Variants in SYT16 observed in about 807,000 individuals in gnomAD.
SYT16 encodes synaptotagmin-16.
SYT16 carries 42 observed loss-of-function variants against 61.4 expected under a neutral mutation model. The observed-to-expected ratio is 0.68, with a 90% CI of 0.53 to 0.89. SYT16 has a LOEUF of 0.89. SYT16 is among the 40% of genes least tolerant of loss of function. The pLI is 0.00. For missense variants in SYT16, 804 were observed against 807.3 expected, an observed-to-expected ratio of 1.00 and a Z score of 0.05; for synonymous variants, 314 against 302.3, an observed-to-expected ratio of 1.04 and a Z score of -0.40.
chr14:62,017,083 A>G (rs1297636105), intron 3 of SYT16, among the ~76,000 whole-genome samples: 1 of 152,228 alleles, frequency 6.6e-6, no homozygotes, highest in Non-Finnish European at 1.5e-5. Flanking sequence ...TCTTAGTGGC[A>G]TGCTCTTTTG....
intron 3 of SYT16, among the ~76,000 whole-genome samples, chr14:62,022,343 A>G (rs958248091): frequency 2.8e-4 from 43 of 152,218 alleles, no homozygotes; most frequent in Non-Finnish European, 7.4e-5. Context: ...TAAATATATC[A>G]TTGCATTGTC....
rs766518887 is a variant in SYT16, at chr14:62,081,090, A to G, written c.1250A>G (p.Lys417Arg). The change falls in exon 6 of 8, where the codon AAG (lysine) becomes AGG (arginine). Residue 417 changes from lysine to arginine, a missense_variant. Lys to Arg is a conservative substitution (Grantham distance 26). Coordinates refer to ENST00000683842, the MANE Select transcript of SYT16 (RefSeq NM_001367656.1). ...QRGPNPVFRE[K>R]VTFAKLEPRD... ...GGGCCCAACCCCGTCTTCAGGGAGAAGGTCACCTTTGCCAAGCTGGAGCCC... is the reference window on the plus strand; with the variant it reads ...GGGCCCAACCCCGTCTTCAGGGAGAGGGTCACCTTTGCCAAGCTGGAGCCC... 1 of 1,613,886 alleles carries G rather than the reference A, an allele frequency of 6.2e-7. No homozygotes were observed. The highest frequency in any genetic ancestry group is 8.5e-7 in the Non-Finnish European group (1 of 1,179,846).
rs138596769 is a variant in SYT16 at position 61,834,013 on chromosome 14, C to CT, written c.-325+21205dup. Among the ~76,000 whole-genome samples the CT allele has an allele frequency of 2.1e-3, 299 of 142,098 alleles. 1 individual carries two copies. Among genetic ancestry groups the CT allele is most frequent in the African/African-American group, 7.6e-3 (288 of 38,016 alleles). 93.2% of individuals were successfully genotyped at this position (142,098 alleles called of 152,430 possible). A position where few individuals can be genotyped will look rare whatever the true frequency, so the allele number is the denominator to read the frequency against. On this transcript the variant is annotated intron_variant, in intron 1 of 7. Coordinates refer to ENST00000683842, the MANE Select transcript of SYT16 (RefSeq NM_001367656.1). Reference sequence around the variant, plus strand: ...TTTAAATTTTGGAATCTGGGAGATACTTGTTCTTTGGAAGTAATTTTGCTT... The same window carrying CT: ...TTTAAATTTTGGAATCTGGGAGATACTTTGTTCTTTGGAAGTAATTTTGCTT...
intron 3 of SYT16, among the ~76,000 whole-genome samples, chr14:62,010,574 G>C (rs1174923859): frequency 6.6e-6 from 1 of 151,930 alleles, no homozygotes; most frequent in African/African-American, 2.4e-5. Flanking sequence ...ACCATCCAGT[G>C]GTTACTCTGG....
At chr14:61,816,810 G>A (rs1268523512) in intron 1 of SYT16, among the ~76,000 whole-genome samples, 23 of 151,922 alleles carry the variant, frequency 1.5e-4, no homozygotes, top group Admixed American at 1.5e-3. Flanking sequence ...AGGAGATGAA[G>A]ACCATCCTGG....
At chr14:61,941,837 TGAAAG>T (rs1479138587) in intron 1 of SYT16, among the ~76,000 whole-genome samples, 1 of 152,232 alleles carries the variant, frequency 6.6e-6, no homozygotes, top group African/African-American at 2.4e-5. Flanking sequence ...TGTGAACAAT[TGAAAG>T]GATTTGTCTT....
At chr14:62,018,313 T>C (rs1353289754) in intron 3 of SYT16, among the ~76,000 whole-genome samples, 2 of 135,058 alleles carry the variant, frequency 1.5e-5, no homozygotes, top group Non-Finnish European at 3.2e-5. Flanking sequence ...TTTTTTTTTT[T>C]TTTTTTTTTT....
intron 1 of SYT16, among the ~76,000 whole-genome samples, chr14:61,814,280 G>T (rs537503478): frequency 1.3e-5 from 2 of 152,164 alleles, no homozygotes; most frequent in South Asian, 4.1e-4. Context: ...ATTCGTGTGT[G>T]TGTGTGTTTA....
At chr14:61,850,889 A>AT (rs1425606846) in intron 1 of SYT16, among the ~76,000 whole-genome samples, 1 of 152,030 alleles carries the variant, frequency 6.6e-6, no homozygotes, top group East Asian at 1.9e-4. Flanking sequence ...GATTATTATT[A>AT]TTTTTTCTTA....
chr14:61,939,703 T>C (rs1056153825), intron 1 of SYT16, among the ~76,000 whole-genome samples: 2 of 152,144 alleles, frequency 1.3e-5, no homozygotes, highest in Non-Finnish European at 2.9e-5. Flanking sequence ...CCTTCTGAGG[T>C]ACTAGGGGTT....
chr14:61,886,545 C>T (rs756840050), intron 1 of SYT16, among the ~76,000 whole-genome samples: 3 of 152,230 alleles, frequency 2.0e-5, no homozygotes, highest in Non-Finnish European at 2.9e-5. Context: ...CTCATCTGCT[C>T]ATCTGTAAGA....
chr14:61,968,388 C>G (rs2051405653), intron 1 of SYT16, among the ~76,000 whole-genome samples: 1 of 152,048 alleles, frequency 6.6e-6, no homozygotes, highest in African/African-American at 2.4e-5. Context: ...TGGGAGACAC[C>G]TGGTTCATTT....
At chr14:61,977,220 G>A (rs2051848824) in intron 2 of SYT16, among the ~76,000 whole-genome samples, 1 of 152,102 alleles carries the variant, frequency 6.6e-6, no homozygotes, top group Admixed American at 6.6e-5. Flanking sequence ...CCTCCAAACT[G>A]TTCCAATCTT....
At chr14:61,849,139 A>G (rs1049730374) in intron 1 of SYT16, among the ~76,000 whole-genome samples, 4 of 152,076 alleles carry the variant, frequency 2.6e-5, no homozygotes, top group Admixed American at 2.0e-4. Flanking sequence ...GGGCCTCCGG[A>G]CTCTGTCTTG....
chr14:61,949,612 C>T (rs1338819155), intron 1 of SYT16, among the ~76,000 whole-genome samples: 1 of 152,148 alleles, frequency 6.6e-6, no homozygotes. Context: ...GCTCACCACA[C>T]CGCACTGGGC....
At position 61,897,751 on chromosome 14, in the gene SYT16, G is replaced by A. The variant is rs2140351365; in HGVS notation, c.-324-72381G>A. 1.3e-5 allele frequency among the ~76,000 whole-genome samples: 2 copies of A among 152,140 alleles called. 1 individual carries two copies. Among genetic ancestry groups the A allele is most frequent in the South Asian group, 4.2e-4 (2 of 4,814 alleles). ...TGAGGGAGGCAAGCAGAAGCCATCT[G>A]GGAGATAAAAGAAAAATGAAAGCCT... On this transcript the variant is annotated intron_variant, in intron 1 of 7. Coordinates refer to ENST00000683842, the MANE Select transcript of SYT16 (RefSeq NM_001367656.1).
At chr14:62,048,084 T>C (rs536196755) in intron 3 of SYT16, among the ~76,000 whole-genome samples, 5 of 152,328 alleles carry the variant, frequency 3.3e-5, no homozygotes, top group East Asian at 1.9e-4. Context: ...TGGTAGAATT[T>C]GGCTGTGAAG....
At chr14:61,897,006 C>G (rs978552112) in intron 1 of SYT16, among the ~76,000 whole-genome samples, 1 of 152,150 alleles carries the variant, frequency 6.6e-6, no homozygotes, top group Non-Finnish European at 1.5e-5. Flanking sequence ...GTTCCACTGT[C>G]TGCTTTGTAT....
At chr14:61,883,762 G>C (rs1242659228) in intron 1 of SYT16, among the ~76,000 whole-genome samples, 1 of 152,146 alleles carries the variant, frequency 6.6e-6, no homozygotes, top group African/African-American at 2.4e-5. Flanking sequence ...CCTGGGTCTG[G>C]CTGTTTTATA....
Sources: allele counts gnomAD v4.1 joint callset (sites outside exome capture counted in the v4.1 genomes callset), GRCh38; gene constraint gnomAD v4.1.1; transcripts MANE v1.5; gene names NCBI Gene and HGNC (gene_info 2026-07-23, HGNC 2026-07-21).